The following NSMCE2 variants were observed in gnomAD, a reference collection of about 807,000 sequenced individuals.
The protein encoded by NSMCE2 is E3 SUMO-protein ligase NSE2.
A neutral mutation model predicts 23.8 loss-of-function variants in NSMCE2; 24 were observed. The ratio of observed to expected loss-of-function variants is 1.01; its 90% CI spans 0.73 to 1.42. NSMCE2 has a LOEUF of 1.42. NSMCE2 is among the 40% of genes most tolerant of loss of function. NSMCE2 has a pLI of 0.00. For synonymous variants in NSMCE2, 92 were observed against 94.1 expected, an observed-to-expected ratio of 0.98 and a Z score of 0.13; for missense variants, 284 against 296.5, an observed-to-expected ratio of 0.96 and a Z score of 0.31.
intron 5 of NSMCE2, among the ~76,000 whole-genome samples, chr8:125,282,798 A>T (rs1827744812): frequency 6.6e-6 from 1 of 152,280 alleles, no homozygotes; most frequent in African/African-American, 2.4e-5. Flanking sequence ...CCCTGACACC[A>T]GTGACCTGTG....
chr8:125,170,473 C>T (rs2130764616), intron 4 of NSMCE2, among the ~76,000 whole-genome samples: 1 of 135,066 alleles, frequency 7.4e-6, no homozygotes, highest in African/African-American at 2.7e-5. Context: ...ATGGCGCTGT[C>T]TCGGCTCACT....
At chr8:125,322,339 G>A (rs556894065) in intron 5 of NSMCE2, among the ~76,000 whole-genome samples, 1 of 152,336 alleles carries the variant, frequency 6.6e-6, no homozygotes, top group East Asian at 1.9e-4. Context: ...CTGCACTGCA[G>A]TCTGAGAGTG....
At chr8:125,151,056 A>G (rs895514116) in intron 3 of NSMCE2, 115 bp from the exon 4 acceptor site, 4 of 485,554 alleles carry the variant, frequency 8.2e-6, no homozygotes, top group Admixed American at 3.1e-5. Context: ...AAAAAGATGT[A>G]ATAGCTCTAC....
intron 5 of NSMCE2, among the ~76,000 whole-genome samples, chr8:125,323,040 T>C (rs948125469): frequency 6.6e-6 from 1 of 152,122 alleles, no homozygotes; most frequent in Non-Finnish European, 1.5e-5. Flanking sequence ...GCCTGGGCAA[T>C]AGAGTGAGAC....
At chr8:125,143,011 GGAGT>G (rs1820463814) in intron 3 of NSMCE2, among the ~76,000 whole-genome samples, 1 of 152,030 alleles carries the variant, frequency 6.6e-6, no homozygotes, top group Non-Finnish European at 1.5e-5. Context: ...TATTGCTCAA[GGAGT>G]GAGTAAGTCA....
At chr8:125,207,218 T>G (rs1824151701) in intron 5 of NSMCE2, among the ~76,000 whole-genome samples, 1 of 151,950 alleles carries the variant, frequency 6.6e-6, no homozygotes, top group Non-Finnish European at 1.5e-5. Context: ...CATAGCTTCT[T>G]TTTCCTCTCC....
chr8:125,254,405 T>C (rs1367483790), intron 5 of NSMCE2, among the ~76,000 whole-genome samples: 1 of 152,222 alleles, frequency 6.6e-6, no homozygotes, highest in Admixed American at 6.5e-5. Context: ...AAGTAAATAG[T>C]GTCCCCTTTT....
In NSMCE2 at chr8:125,102,344, C is replaced by T. The variant is rs1818233637; in HGVS notation, c.14C>T (p.Ser5Phe). 6.2e-7 allele frequency: 1 copy of T among 1,613,548 alleles called. No homozygotes were observed. The highest frequency in any genetic ancestry group is 8.5e-7 in the Non-Finnish European group (1 of 1,179,560). ...ACTAATTTCAAGATGCCAGGACGTT[C>T]CAGTTCAAATTCAGGTTCAACTGGT... The part of the protein sequence containing the change: MPGR[S>F]SSNSGSTGFI... The change falls in exon 3 of 8, where the codon TCC (serine) becomes TTC (phenylalanine). Residue 5 changes from serine to phenylalanine, a missense_variant. By Grantham distance (155) the Ser-to-Phe change is radical (BLOSUM62 -2). Around this residue, in one of 2 missense-constraint regions of NSMCE2, gnomAD observed 182 missense variants for 155.5 expected, o/e 1.17. Transcript: ENST00000287437.
At chr8:125,224,336 T>A (rs1422103974) in intron 5 of NSMCE2, among the ~76,000 whole-genome samples, 1 of 152,230 alleles carries the variant, frequency 6.6e-6, no homozygotes, top group Non-Finnish European at 1.5e-5. Flanking sequence ...CTATTTTTTT[T>A]ATTGCCTGTG....
chr8:125,309,602 G>A (rs1240973194), intron 5 of NSMCE2, among the ~76,000 whole-genome samples: 1 of 152,140 alleles, frequency 6.6e-6, no homozygotes, highest in Non-Finnish European at 1.5e-5. Context: ...GCACATGCTT[G>A]CAGTCCCAGC....
intron 3 of NSMCE2, among the ~76,000 whole-genome samples, chr8:125,117,724 C>T (rs558309752): frequency 6.6e-6 from 1 of 152,140 alleles, no homozygotes; most frequent in Non-Finnish European, 1.5e-5. Context: ...CTATGTTGCC[C>T]AGGCTAGTCA....
At chr8:125,294,056 C>G (rs1828227747) in intron 5 of NSMCE2, among the ~76,000 whole-genome samples, 2 of 152,192 alleles carry the variant, frequency 1.3e-5, no homozygotes, top group Admixed American at 1.3e-4. Context: ...TATAAACATG[C>G]ATATGTGGTC....
intron 5 of NSMCE2, among the ~76,000 whole-genome samples, chr8:125,276,479 T>C (rs1827453112): frequency 6.6e-6 from 1 of 151,496 alleles, no homozygotes; most frequent in African/African-American, 2.4e-5. Context: ...CTAATTTTTC[T>C]ACTTGGCCTA....
intron 5 of NSMCE2, among the ~76,000 whole-genome samples, chr8:125,328,505 G>C (rs916115755): frequency 2.6e-5 from 4 of 152,194 alleles, no homozygotes; most frequent in Non-Finnish European, 5.9e-5. Flanking sequence ...GTTTTCACTG[G>C]AGTAGATCTG....
chr8:125,282,429 T>C (rs1462294388), intron 5 of NSMCE2, among the ~76,000 whole-genome samples: 1 of 152,202 alleles, frequency 6.6e-6, no homozygotes, highest in African/African-American at 2.4e-5. Context: ...CCTTAATTTT[T>C]AAATATTAGC....
chr8:125,171,104 T>C (rs1822182701), intron 4 of NSMCE2, among the ~76,000 whole-genome samples: 1 of 152,196 alleles, frequency 6.6e-6, no homozygotes. Flanking sequence ...AGGTCTCTGG[T>C]TCAGATGTCG....
chr8:125,174,005 A>G (rs531203108), intron 4 of NSMCE2, among the ~76,000 whole-genome samples: 1 of 152,280 alleles, frequency 6.6e-6, no homozygotes, highest in African/African-American at 2.4e-5. Flanking sequence ...AGTGTTGTTA[A>G]CAACAATACT....
chr8:125,146,438 C>T (rs1255497071), intron 3 of NSMCE2, among the ~76,000 whole-genome samples: 1 of 152,200 alleles, frequency 6.6e-6, no homozygotes, highest in Non-Finnish European at 1.5e-5. Flanking sequence ...TTGGGTATAA[C>T]ATGCACACAT....
At chr8:125,324,178 C>T (rs1829554888) in intron 5 of NSMCE2, among the ~76,000 whole-genome samples, 1 of 152,192 alleles carries the variant, frequency 6.6e-6, no homozygotes, top group African/African-American at 2.4e-5. Context: ...ACGACAAAAA[C>T]TGATCATACC....
Sources: gnomAD v4.1 joint callset for allele counts (sites outside exome capture counted in the v4.1 genomes callset) on GRCh38, gnomAD v4.1.1 for gene constraint, gnomAD v4.1.1 regional missense constraint, MANE v1.5 for transcripts, NCBI Gene and HGNC (gene_info 2026-07-23, HGNC 2026-07-21) for gene names.